Variants in SSPN observed in about 807,000 individuals in gnomAD.
SSPN encodes the protein K-ras oncogene-associated protein.
A neutral mutation model predicts 19.1 loss-of-function variants in SSPN; 15 were observed. That is an observed-to-expected ratio of 0.78 (90% CI 0.52 to 1.21). The LOEUF (loss-of-function observed/expected upper bound fraction) is 1.21. Ranked by LOEUF, SSPN falls within the 50% of genes most tolerant of loss-of-function variation. The pLI, the probability that SSPN is intolerant of heterozygous loss-of-function variation, is 0.00. For synonymous variants in SSPN, 147 were observed against 140.3 expected, an observed-to-expected ratio of 1.05 and a Z score of -0.34; for missense variants, 291 against 314.0, an observed-to-expected ratio of 0.93 and a Z score of 0.55.
intron 1 of SSPN, among the ~76,000 whole-genome samples, chr12:26,204,538 A>G (rs1161507645): frequency 6.6e-6 from 1 of 152,188 alleles, no homozygotes; most frequent in Admixed American, 6.5e-5. Flanking sequence ...TGGCTGGCTG[A>G]GTGGTACCAT....
At chr12:26,155,120 T>G (rs1944548144) in intron 1 of SSPN, among the ~76,000 whole-genome samples, 1 of 152,190 alleles carries the variant, frequency 6.6e-6, no homozygotes, top group African/African-American at 2.4e-5. Context: ...GAATATCAAA[T>G]GAGAAGAACT....
chr12:26,139,965 T>C (rs1944449387), intron 1 of SSPN, among the ~76,000 whole-genome samples: 1 of 152,186 alleles, frequency 6.6e-6, no homozygotes, highest in Non-Finnish European at 1.5e-5. Flanking sequence ...GGATATGCTC[T>C]TGCCCTCCTC....
intron 2 of SSPN, among the ~76,000 whole-genome samples, chr12:26,226,509 T>C (rs184194329): frequency 3.2e-4 from 49 of 152,230 alleles, no homozygotes; most frequent in African/African-American, 1.1e-3. Flanking sequence ...GCTCTTTTTT[T>C]TTTCTCAAGC....
At chr12:26,180,173 ACTT>A (rs1437709478) in intron 1 of SSPN, 3 of 152,106 alleles carry the variant, frequency 2.0e-5, no homozygotes, top group Admixed American at 1.3e-4. Context: ...TTCCATCTCT[ACTT>A]CTTCTCCTGG....
intron 1 of SSPN, among the ~76,000 whole-genome samples, chr12:26,183,624 C>A (rs1944733781): frequency 6.6e-6 from 1 of 152,182 alleles, no homozygotes; most frequent in African/African-American, 2.4e-5. Context: ...GCCAAAATGA[C>A]CAATTTTAGA....
chr12:26,131,404 T>TTTTAC (rs1944396957), intron 1 of SSPN, among the ~76,000 whole-genome samples: 1 of 152,256 alleles, frequency 6.6e-6, no homozygotes, highest in Admixed American at 6.5e-5. Flanking sequence ...AGACCTGTCC[T>TTTTAC]GTGGTTGTCC....
chr12:26,192,852 G>A (rs2137453219), upstream of SSPN, among the ~76,000 whole-genome samples: 1 of 152,306 alleles, frequency 6.6e-6, no homozygotes, highest in East Asian at 1.9e-4. Flanking sequence ...TTTTACAACT[G>A]TAAGCCACTA....
At chr12:26,227,266 G>C (rs1355462722) in intron 2 of SSPN, among the ~76,000 whole-genome samples, 6 of 152,152 alleles carry the variant, frequency 3.9e-5, no homozygotes, top group Non-Finnish European at 7.4e-5. Flanking sequence ...CAGGCTTTAG[G>C]GGGGATCGAG....
At position 26,232,236 on chromosome 12, in the gene SSPN, AG is replaced by A. The variant is rs1192487805; in HGVS notation, c.*1162del. The A allele has an allele frequency of 1.0e-6, 1 of 985,310 alleles. No homozygotes were observed. Among genetic ancestry groups the A allele is most frequent in the Non-Finnish European group, 1.2e-6 (1 of 829,920 alleles). The allele number at this position is 985,310 out of a possible 1,614,324, so 61.0% of individuals were successfully genotyped here. The stretch of plus-strand genomic sequence containing the variant: ...ATTAATTCGTATGCTTAGTCAACCT[AG>A]GAAATCAAAATAATGTTTTGAAGTT... On this transcript the variant is annotated 3_prime_UTR_variant, in exon 3 of 3. Coordinates refer to ENST00000242729, the MANE Select transcript of SSPN (RefSeq NM_005086.5).
In SSPN at chr12:26,151,784, G is replaced by GA. The variant is rs552789268; in HGVS notation, c.-31+29640dup. Among the ~76,000 whole-genome samples the GA allele has an allele frequency of 7.9e-5, 12 of 152,056 alleles. No homozygotes were observed. In the East Asian group the frequency reaches 1.7e-3, roughly 22 times the overall value. On this transcript the variant is annotated intron_variant, in intron 1 of 2. Transcript: ENST00000538142. Reference sequence around the variant, plus strand: ...ACTAACACACTATGCCACATGTGGAGAAAAAAAATATATCTTAAAATTTTG... The same window carrying GA: ...ACTAACACACTATGCCACATGTGGAGAAAAAAAAATATATCTTAAAATTTTG...
At chr12:26,141,328 A>T (rs1944459497) in intron 1 of SSPN, among the ~76,000 whole-genome samples, 1 of 152,136 alleles carries the variant, frequency 6.6e-6, no homozygotes, top group South Asian at 2.1e-4. Context: ...GAGACGGGAA[A>T]ACGTAAGGAA....
intron 1 of SSPN, among the ~76,000 whole-genome samples, chr12:26,189,003 A>G (rs1447432827): frequency 6.6e-6 from 1 of 152,196 alleles, no homozygotes; most frequent in African/African-American, 2.4e-5. Context: ...TAGAGAAAGA[A>G]GATCTAGGTG....
upstream of SSPN, among the ~76,000 whole-genome samples, chr12:26,191,793 T>C (rs1480036): frequency 0.79 from 120,267 of 152,070 alleles, 47,867 homozygotes; most frequent in Admixed American, 0.87. Flanking sequence ...ATGGGGGCAG[T>C]GGTCCTGCAT....
At chr12:26,224,423 A>T (rs780740051) in intron 2 of SSPN, 44 bp downstream of exon 2, 1 of 1,486,710 alleles carries the variant, frequency 6.7e-7, no homozygotes, top group Non-Finnish European at 9.4e-7. Context: ...ACATAGAAAG[A>T]AATCCAAGTA....
chr12:26,225,748 A>T (rs891091210), intron 2 of SSPN, among the ~76,000 whole-genome samples: 3 of 3,764 alleles, frequency 8.0e-4, no homozygotes, highest in Admixed American at 5.1e-3. Context: ...TGGTGATTAA[A>T]AAAAAAAAAA....
intron 1 of SSPN, among the ~76,000 whole-genome samples, chr12:26,201,000 A>G (rs1944871892): frequency 1.1e-5 from 1 of 90,816 alleles, no homozygotes; most frequent in African/African-American, 4.4e-5. Context: ...TGGCAAAAGA[A>G]GTTAATTTGT....
chr12:26,201,039 ATATATATTAT>A (rs1243349193), intron 1 of SSPN, among the ~76,000 whole-genome samples: 4 of 57,482 alleles, frequency 7.0e-5, no homozygotes, highest in African/African-American at 2.2e-4. Flanking sequence ...ATATATATAT[ATATATATTAT>A]ATATATATAT....
At chr12:26,225,902 CAG>C (rs1451513780) in intron 2 of SSPN, among the ~76,000 whole-genome samples, 2 of 151,576 alleles carry the variant, frequency 1.3e-5, no homozygotes, top group Admixed American at 1.3e-4. Flanking sequence ...CAGAAAACAG[CAG>C]AGTCAAAAGC....
At chr12:26,177,436 C>T (rs1445897391) in intron 1 of SSPN, among the ~76,000 whole-genome samples, 3 of 152,134 alleles carry the variant, frequency 2.0e-5, no homozygotes, top group African/African-American at 7.2e-5. Context: ...AGTCATGCTG[C>T]CCAGTGTTCA....
Sources: gnomAD v4.1 joint callset for allele counts (sites outside exome capture counted in the v4.1 genomes callset) on GRCh38, gnomAD v4.1.1 for gene constraint, MANE v1.5 for transcripts, NCBI Gene and HGNC (gene_info 2026-07-23, HGNC 2026-07-21) for gene names.